THSD7B: variants seen among roughly 807,000 people sequenced by gnomAD.
The protein encoded by THSD7B is thrombospondin type 1 domain containing 7B.
In THSD7B, 138 loss-of-function variants were observed where a neutral mutation model predicts 213.6. The ratio of observed to expected loss-of-function variants is 0.65; its 90% CI spans 0.56 to 0.74. The LOEUF is 0.74. Ranked by LOEUF, THSD7B falls within the 30% of genes least tolerant of loss-of-function variation. The pLI is 0.00. For missense variants in THSD7B, 1,931 were observed against 1,991.5 expected (o/e 0.97, Z 0.58); for synonymous variants, 742 against 687.0 (o/e 1.08, Z -1.25).
chr2:137,413,470 A>T (rs909101682), intron 14 of THSD7B, among the ~76,000 whole-genome samples: 8 of 152,208 alleles, frequency 5.3e-5, no homozygotes, highest in African/African-American at 1.9e-4. Context: ...AGCTCTGAGG[A>T]TGCTGAATAG....
At chr2:137,292,776 C>A (rs1202281) in intron 12 of THSD7B, among the ~76,000 whole-genome samples, 92,499 of 151,952 alleles carry the variant, frequency 0.61, 28,920 homozygotes, top group East Asian at 0.94. Context: ...CAATTTTAGC[C>A]TGCCAGCTAT....
intron 14 of THSD7B, among the ~76,000 whole-genome samples, chr2:137,412,929 A>G (rs188491843): frequency 1.8e-4 from 27 of 151,292 alleles, no homozygotes; most frequent in African/African-American, 5.3e-4. Context: ...AAAAGAATAA[A>G]CAAGTCTAGA....
chr2:137,273,159 A>C (rs934048867), intron 11 of THSD7B, among the ~76,000 whole-genome samples: 13 of 151,802 alleles, frequency 8.6e-5, no homozygotes, highest in African/African-American at 2.7e-4. Flanking sequence ...GTTTATTTTA[A>C]TTAAAAATTT....
At chr2:136,941,814 G>C (rs995426545) in intron 2 of THSD7B, among the ~76,000 whole-genome samples, 1 of 152,056 alleles carries the variant, frequency 6.6e-6, no homozygotes, top group East Asian at 1.9e-4. Context: ...CACTCTGATG[G>C]TAGTTTCTTT....
At chr2:137,405,536 TCTG>T in intron 12 of THSD7B, 74 bp from the exon 13 acceptor site, 1 of 1,384,462 alleles carries the variant, frequency 7.2e-7, no homozygotes, top group Non-Finnish European at 9.7e-7. Context: ...ATTGGGGGAT[TCTG>T]CTGTCTTGTC....
intron 2 of THSD7B, among the ~76,000 whole-genome samples, chr2:137,043,889 A>ACT (rs1443646391): frequency 6.6e-6 from 1 of 152,136 alleles, no homozygotes; most frequent in African/African-American, 2.4e-5. Context: ...AACAAAACCT[A>ACT]CTTCTTACAC....
intron 12 of THSD7B, among the ~76,000 whole-genome samples, chr2:137,310,314 G>T (rs1305543564): frequency 1.3e-5 from 2 of 148,424 alleles, no homozygotes; most frequent in Non-Finnish European, 3.0e-5. Context: ...TTTGAGAAGT[G>T]TCTGTTCATG....
chr2:137,449,065 A>C (rs778164583), intron 14 of THSD7B, among the ~76,000 whole-genome samples: 4 of 152,188 alleles, frequency 2.6e-5, no homozygotes, highest in Non-Finnish European at 4.4e-5. Flanking sequence ...GAGTAATAAA[A>C]GTTATTTTGT....
chr2:136,901,451 C>T lies in THSD7B; in HGVS notation c.139+19134C>T, dbSNP rs576973619. Among the ~76,000 whole-genome samples the T allele has an allele frequency of 4.6e-5, 7 of 152,244 alleles. No individual in the cohort carries two copies. The South Asian group carries it at 1.2e-3, about 27-fold the overall frequency. ...TTTTTTAAAAGCTCTAGAATATTATCTGAGAAAGCCCATGTGCTTCCTAAT... is the reference window on the plus strand; with the variant it reads ...TTTTTTAAAAGCTCTAGAATATTATTTGAGAAAGCCCATGTGCTTCCTAAT... On this transcript the variant is annotated intron_variant, in intron 2 of 27. Coordinates refer to ENST00000409968, the MANE Select transcript of THSD7B (RefSeq NM_001316349.2).
At chr2:137,314,537 C>T (rs1684029951) in intron 12 of THSD7B, among the ~76,000 whole-genome samples, 1 of 152,204 alleles carries the variant, frequency 6.6e-6, no homozygotes, top group African/African-American at 2.4e-5. Flanking sequence ...CAGCTTTGTT[C>T]CATTGCTGGT....
chr2:137,477,410 A>T (rs1443994085), intron 15 of THSD7B, among the ~76,000 whole-genome samples: 2 of 151,990 alleles, frequency 1.3e-5, no homozygotes, highest in Non-Finnish European at 2.9e-5. Context: ...GGTAACATGA[A>T]TTTCTTATAG....
intron 7 of THSD7B, among the ~76,000 whole-genome samples, chr2:137,190,496 C>T (rs1217981589): frequency 6.6e-6 from 1 of 152,088 alleles, no homozygotes; most frequent in Non-Finnish European, 1.5e-5. Flanking sequence ...TCTGCCAGAC[C>T]CGCCTGCAGC....
intron 17 of THSD7B, among the ~76,000 whole-genome samples, chr2:137,575,381 A>G (rs537503414): frequency 2.0e-5 from 3 of 152,156 alleles, no homozygotes; most frequent in African/African-American, 7.2e-5. Flanking sequence ...CCTGCACAAA[A>G]TAAGTTATTA....
chr2:137,197,866 C>A (rs1449449997), intron 7 of THSD7B, among the ~76,000 whole-genome samples: 1 of 152,126 alleles, frequency 6.6e-6, no homozygotes. Flanking sequence ...AGAATAGGAC[C>A]ATGTCTTCAG....
intron 7 of THSD7B, among the ~76,000 whole-genome samples, chr2:137,209,492 T>C (rs893942895): frequency 2.6e-5 from 4 of 152,042 alleles, no homozygotes. Context: ...CACAATTACA[T>C]TGTTTACCTG....
intron 16 of THSD7B, among the ~76,000 whole-genome samples, chr2:137,569,583 C>T (rs1681311855): frequency 6.6e-6 from 1 of 152,128 alleles, no homozygotes; most frequent in Non-Finnish European, 1.5e-5. Flanking sequence ...TTTTCATCCT[C>T]ATTTCCAGAG....
chr2:136,859,793 G>A (rs1223280901), intron 1 of THSD7B, among the ~76,000 whole-genome samples: 3 of 152,162 alleles, frequency 2.0e-5, no homozygotes, highest in African/African-American at 7.2e-5. Context: ...CAAAAGAGCA[G>A]CCCAGCACTG....
chr2:136,997,200 T>G (rs757495922), intron 2 of THSD7B, among the ~76,000 whole-genome samples: 1 of 152,202 alleles, frequency 6.6e-6, no homozygotes, highest in Admixed American at 6.5e-5. Context: ...AAACCACTCC[T>G]CTTTTCTTTC....
At chr2:137,675,323 G>A (rs1179639391) in intron 27 of THSD7B, among the ~76,000 whole-genome samples, 12 of 149,060 alleles carry the variant, frequency 8.1e-5, no homozygotes, top group Non-Finnish European at 1.8e-4. Flanking sequence ...TGTTTTTTAC[G>A]TTAGATTCAC....
Sources: allele counts gnomAD v4.1 joint callset (sites outside exome capture counted in the v4.1 genomes callset), GRCh38; gene constraint gnomAD v4.1.1; transcripts MANE v1.5; gene names NCBI Gene and HGNC (gene_info 2026-07-23, HGNC 2026-07-21).